The following NOL4 variants were observed in gnomAD, a reference collection of about 807,000 sequenced individuals.
The protein encoded by NOL4 is nucleolar protein 4, also known as cancer/testis antigen 125.
In NOL4, 17 loss-of-function variants were observed where a neutral mutation model predicts 75.9. The ratio of observed to expected loss-of-function variants is 0.22; its 90% confidence interval spans 0.15 to 0.34. The LOEUF (loss-of-function observed/expected upper bound fraction) is 0.34. NOL4 is among the 10% of genes least tolerant of loss of function. The probability of loss-of-function intolerance (pLI) is 1.00; values close to 1 mark genes in which losing one functional copy is unlikely to be tolerated. For synonymous variants in NOL4, 292 were observed against 289.9 expected (o/e 1.01, Z -0.07); for missense variants, 614 against 793.5 (o/e 0.77, Z 2.72).
At chr18:34,064,924 CA>C (rs2077206751) in intron 5 of NOL4, among the ~76,000 whole-genome samples, 1 of 55,926 alleles carries the variant, frequency 1.8e-5, no homozygotes, top group Non-Finnish European at 4.6e-5. Flanking sequence ...TTTTAACACA[CA>C]CACACACACA....
In NOL4 at chr18:34,070,126, G is replaced by C. The variant is rs1434216510; in HGVS notation, c.772+23339C>G. On this transcript the variant is annotated intron_variant, in intron 5 of 10. Coordinates refer to ENST00000261592, the MANE Select transcript of NOL4 (RefSeq NM_003787.5). ...GGCTCACTGAAAGCTCCGCCTTCCG[G>C]GTTCACGCCATTCTCCTGCCTCAGC... Among the ~76,000 whole-genome samples, 3 of 152,326 alleles carry C rather than the reference G, an allele frequency of 2.0e-5. No individual in the cohort carries two copies. In the East Asian group the frequency reaches 5.8e-4, roughly 29 times the overall value.
intron 6 of NOL4, among the ~76,000 whole-genome samples, chr18:33,978,174 A>G (rs567611953): frequency 3.3e-5 from 5 of 152,296 alleles, no homozygotes; most frequent in Admixed American, 2.0e-4. Context: ...TCTGTTGAAT[A>G]TTCTCTTTAT....
At chr18:34,116,298 A>G (rs1276974249) in intron 2 of NOL4, among the ~76,000 whole-genome samples, 1 of 152,092 alleles carries the variant, frequency 6.6e-6, no homozygotes, top group Non-Finnish European at 1.5e-5. Context: ...GGTTATAAAA[A>G]AAAACAAGCA....
At chr18:34,097,597 G>A (rs1241761587) in intron 4 of NOL4, among the ~76,000 whole-genome samples, 1 of 152,166 alleles carries the variant, frequency 6.6e-6, no homozygotes, top group Non-Finnish European at 1.5e-5. Flanking sequence ...CATTTGAAAT[G>A]TGGTTAGTGT....
chr18:34,080,361 C>T lies in NOL4; in HGVS notation c.772+13104G>A, dbSNP rs1269632146. Among the ~76,000 whole-genome samples the T allele has an allele frequency of 2.0e-5, 3 of 152,216 alleles. No homozygotes were observed. The East Asian group carries it at 5.8e-4, about 29-fold the overall frequency. Reference sequence around the variant, plus strand: ...AAGATTGTGGGCCTCTTCTATTTTGCACACTGCTGAATCTCCAGCCCTGCA... The same window carrying T: ...AAGATTGTGGGCCTCTTCTATTTTGTACACTGCTGAATCTCCAGCCCTGCA... On this transcript the variant is annotated intron_variant, in intron 5 of 10. Transcript: ENST00000261592.
chr18:34,065,595 G>A (rs1460347160), intron 5 of NOL4, among the ~76,000 whole-genome samples: 2 of 151,708 alleles, frequency 1.3e-5, no homozygotes, highest in African/African-American at 4.8e-5. Context: ...ATGCAAATGA[G>A]CCCCACCCCA....
Position 34,221,912 on chromosome 18 carries a change from A to G in NOL4, c.264+1078T>C. On this transcript the variant is annotated intron_variant, in intron 1 of 10. Transcript: ENST00000261592. The stretch of plus-strand genomic sequence containing the variant: ...AATACTGCACCGGGAAACAGTTGCC[A>G]GTACAGGAGGGGGGAAAGGAAGAAA... 3.5e-6 allele frequency: 3 copies of G among 854,566 alleles called. No individual in the cohort carries two copies. The South Asian group carries it at 5.0e-5, about 14-fold the overall frequency. The allele number at this position is 854,566 out of a possible 1,614,324, so 52.9% of individuals were successfully genotyped here. A position where few individuals can be genotyped will look rare whatever the true frequency, so the allele number is the denominator to read the frequency against.
chr18:34,036,518 G>T (rs992394389), intron 5 of NOL4, among the ~76,000 whole-genome samples: 1 of 152,146 alleles, frequency 6.6e-6, no homozygotes, highest in Non-Finnish European at 1.5e-5. Context: ...AATGGGAAAG[G>T]TTGAAAGCTT....
intron 2 of NOL4, among the ~76,000 whole-genome samples, chr18:34,125,853 A>C (rs1206912739): frequency 6.6e-6 from 1 of 152,140 alleles, no homozygotes; most frequent in Non-Finnish European, 1.5e-5. Flanking sequence ...TGAAACTCTC[A>C]CGAGTTTCAT....
chr18:34,211,413 T>A (rs930367201), intron 1 of NOL4, among the ~76,000 whole-genome samples: 2 of 152,136 alleles, frequency 1.3e-5, no homozygotes, highest in African/African-American at 2.4e-5. Flanking sequence ...GATATTAGAT[T>A]TGAAAAATCT....
intron 5 of NOL4, among the ~76,000 whole-genome samples, chr18:34,071,796 A>G (rs1416063985): frequency 6.6e-6 from 1 of 152,218 alleles, no homozygotes; most frequent in Non-Finnish European, 1.5e-5. Flanking sequence ...TTTTCAATTT[A>G]TAATGGGTTT....
intron 9 of NOL4, among the ~76,000 whole-genome samples, chr18:33,893,343 C>T (rs747612589): frequency 1.1e-4 from 16 of 152,114 alleles, no homozygotes; most frequent in Non-Finnish European, 1.9e-4. Context: ...CTCCTTTGTA[C>T]TCTTGTCCTT....
Position 34,172,723 on chromosome 18 carries a change from T to A in NOL4, c.265-42703A>T, listed in dbSNP as rs117994832. On this transcript the variant is annotated intron_variant, in intron 1 of 10. Transcript: ENST00000261592. ...GATAGCCATCTTAACAGGTATGAGG[T>A]GATATCTCATTGTGGTCCTAATCAG... Among the ~76,000 whole-genome samples the A allele has an allele frequency of 9.5e-4, 144 of 152,230 alleles. 1 individual carries two copies. In the East Asian group the frequency reaches 0.026, roughly 27 times the overall value.
At chr18:34,076,321 T>C (rs971404841) in intron 5 of NOL4, among the ~76,000 whole-genome samples, 1 of 152,114 alleles carries the variant, frequency 6.6e-6, no homozygotes, top group Non-Finnish European at 1.5e-5. Flanking sequence ...CACTTTATTA[T>C]ACCCATACGG....
chr18:34,104,114 T>C lies in NOL4; in HGVS notation c.572A>G (p.Asn191Ser). The change falls in exon 4 of 11, where the codon AAC (asparagine) becomes AGC (serine). Residue 191 changes from asparagine to serine, a missense_variant. By Grantham distance (46) the Asn-to-Ser change is conservative. This residue lies in a region of NOL4 where 135 missense variants were observed against 220.4 expected (regional missense o/e 0.61). Transcript: ENST00000261592. ...PTLVTSMIDY[N>S]MPITMAYMKH... ...CATGTAGGCCATGGTAATTGGCATGTTGTAGTCAATCATGCTGGTCACCAA... is the reference window on the plus strand; with the variant it reads ...CATGTAGGCCATGGTAATTGGCATGCTGTAGTCAATCATGCTGGTCACCAA... The C allele has an allele frequency of 6.2e-7, 1 of 1,611,868 alleles. No homozygotes were observed. The highest frequency in any genetic ancestry group is 1.3e-5 in the African/African-American group (1 of 74,978).
At chr18:33,923,158 T>A (rs574703787) in intron 9 of NOL4, among the ~76,000 whole-genome samples, 3 of 152,100 alleles carry the variant, frequency 2.0e-5, no homozygotes, top group African/African-American at 7.2e-5. Flanking sequence ...AAACAAAGAA[T>A]ACCCTCATGG....
chr18:34,067,487 A>C (rs950055660), intron 5 of NOL4, among the ~76,000 whole-genome samples: 3 of 152,234 alleles, frequency 2.0e-5, no homozygotes, highest in African/African-American at 7.2e-5. Context: ...CAAGAGTAGA[A>C]GCAAGGAGAT....
At chr18:33,882,232 G>C (rs977185212) in intron 10 of NOL4, among the ~76,000 whole-genome samples, 1 of 152,102 alleles carries the variant, frequency 6.6e-6, no homozygotes, top group Non-Finnish European at 1.5e-5. Flanking sequence ...AAGAGCTTCT[G>C]CACAGCAAAA....
chr18:33,854,323 A>G (rs2062746504), intron 10 of NOL4, among the ~76,000 whole-genome samples: 1 of 152,128 alleles, frequency 6.6e-6, no homozygotes, highest in African/African-American at 2.4e-5. Flanking sequence ...TAATTAGAGC[A>G]GAGACAAGAC....
Sources: gnomAD v4.1 joint callset for allele counts (sites outside exome capture counted in the v4.1 genomes callset) on GRCh38, gnomAD v4.1.1 for gene constraint, gnomAD v4.1.1 regional missense constraint, MANE v1.5 for transcripts, NCBI Gene and HGNC (gene_info 2026-07-23, HGNC 2026-07-21) for gene names.